The following PCDH9 variants were observed in gnomAD, a reference collection of about 807,000 sequenced individuals.
PCDH9 encodes protocadherin 9.
PCDH9 carries 24 observed loss-of-function variants against 70.6 expected under a neutral mutation model. The ratio of observed to expected loss-of-function variants is 0.34; its 90% CI spans 0.25 to 0.48. The LOEUF is 0.48. Ranked by LOEUF, PCDH9 falls within the 20% of genes least tolerant of loss-of-function variation. The pLI is 0.99. For missense variants in PCDH9, 1,281 were observed against 1,503.6 expected (o/e 0.85, Z 2.45); for synonymous variants, 562 against 558.5 (o/e 1.01, Z -0.09).
chr13:66,491,420 T>TGA (rs1162129075), intron 4 of PCDH9, among the ~76,000 whole-genome samples: 27 of 151,234 alleles, frequency 1.8e-4, no homozygotes, highest in Non-Finnish European at 7.4e-5. Context: ...TGTGTGTGTA[T>TGA]GAGAGAGAGA....
At chr13:66,400,248 G>A (rs1255771677) in intron 4 of PCDH9, among the ~76,000 whole-genome samples, 1 of 152,120 alleles carries the variant, frequency 6.6e-6, no homozygotes, top group African/African-American at 2.4e-5. Flanking sequence ...AAATATACCA[G>A]TCTGTTAAGA....
chr13:67,092,388 GT>G (rs966900552), intron 2 of PCDH9, among the ~76,000 whole-genome samples: 4 of 123,046 alleles, frequency 3.3e-5, no homozygotes, highest in South Asian at 2.8e-4. Flanking sequence ...TCAATAACAT[GT>G]TTTTTTTATT....
At chr13:66,460,898 G>A (rs529507200) in intron 4 of PCDH9, among the ~76,000 whole-genome samples, 97 of 151,976 alleles carry the variant, frequency 6.4e-4, no homozygotes, top group Middle Eastern at 3.4e-3. Context: ...CTACACGCTG[G>A]TTGCTTCTTC....
At chr13:67,211,061 A>G (rs2089458243) in intron 2 of PCDH9, 1 of 151,996 alleles carries the variant, frequency 6.6e-6, no homozygotes, top group African/African-American at 2.4e-5. Context: ...TTGGTTCTAA[A>G]TTAGTTTACC....
chr13:67,143,742 A>G (rs1170274441), intron 2 of PCDH9, among the ~76,000 whole-genome samples: 2 of 152,206 alleles, frequency 1.3e-5, no homozygotes, highest in African/African-American at 4.8e-5. Context: ...CCAGACCCTG[A>G]GGAAGAAAAG....
chr13:66,849,415 TATATATGAAAATA>T (rs893977608), intron 3 of PCDH9, among the ~76,000 whole-genome samples: 7 of 150,640 alleles, frequency 4.6e-5, no homozygotes, highest in Non-Finnish European at 1.5e-5. Context: ...TGATACCATA[TATATATGAAAATA>T]TATGACTATA....
chr13:66,867,112 C>T (rs1013013314), intron 3 of PCDH9, among the ~76,000 whole-genome samples: 2 of 151,340 alleles, frequency 1.3e-5, no homozygotes, highest in Non-Finnish European at 2.9e-5. Flanking sequence ...TGAACTCACA[C>T]AGAAAGAGAA....
At chr13:66,465,043 T>C (rs992325135) in intron 4 of PCDH9, among the ~76,000 whole-genome samples, 7 of 151,926 alleles carry the variant, frequency 4.6e-5, no homozygotes, top group African/African-American at 1.2e-4. Flanking sequence ...CATATTAGCC[T>C]TTCTTGAACA....
rs143802026 is a variant in PCDH9 at position 66,661,758 on chromosome 13, G to A, written c.3139-30347C>T. Among the ~76,000 whole-genome samples the A allele has an allele frequency of 5.9e-5, 9 of 152,294 alleles. No homozygotes were observed. In the East Asian group the frequency reaches 1.7e-3, roughly 29 times the overall value. On this transcript the variant is annotated intron_variant, in intron 3 of 4. Transcript: ENST00000377865. ...TAAATGTGGAGCAATGGAACTATAT[G>A]ACTAACTTTTAAATATGCTACTGAT...
chr13:67,226,592 T>C lies in PCDH9; in HGVS notation c.1849A>G (p.Asn617Asp). Residue 617 changes from asparagine to aspartate, a missense_variant, in exon 2 of 5, where the codon AAT becomes GAT. Asn to Asp is a conservative substitution (Grantham distance 23). This residue lies in a region of PCDH9 where 798 missense variants were observed against 1,003.1 expected (regional missense o/e 0.80). Coordinates refer to ENST00000377865, the MANE Select transcript of PCDH9 (RefSeq NM_203487.3). The surrounding 1 kb of genome is among the most constrained non-coding windows in gnomAD (Gnocchi z 5.0). ...VTLSILNDND[N>D]FVLDPYSGVI... ...CCAGAATAGGGATCCAACACAAAATTATCATTGTCATTTAGAATGGAAAGA... is the reference window on the plus strand; with the variant it reads ...CCAGAATAGGGATCCAACACAAAATCATCATTGTCATTTAGAATGGAAAGA... 2 of 1,614,006 alleles carry C rather than the reference T, an allele frequency of 1.2e-6. No individual in the cohort carries two copies. The highest frequency in any genetic ancestry group is 1.6e-4 in the Middle Eastern group (1 of 6,062).
At chr13:66,986,260 T>C (rs538899000) in intron 2 of PCDH9, among the ~76,000 whole-genome samples, 1 of 152,010 alleles carries the variant, frequency 6.6e-6, no homozygotes, top group Non-Finnish European at 1.5e-5. Context: ...ACTGGCTTCA[T>C]GATTCAATTA....
chr13:67,113,121 T>C (rs2086689766), intron 2 of PCDH9, among the ~76,000 whole-genome samples: 1 of 152,212 alleles, frequency 6.6e-6, no homozygotes, highest in Non-Finnish European at 1.5e-5. Context: ...ATTTCCTACT[T>C]TTAGACTATA....
intron 4 of PCDH9, among the ~76,000 whole-genome samples, chr13:66,591,417 A>G (rs1358030046): frequency 6.6e-6 from 1 of 151,520 alleles, no homozygotes; most frequent in African/African-American, 2.4e-5. Context: ...AGTATGGAAA[A>G]TAAAGCCAAT....
chr13:66,491,843 C>CTATTAGTTCATTAGT (rs1445999746), intron 4 of PCDH9, among the ~76,000 whole-genome samples: 1 of 152,074 alleles, frequency 6.6e-6, no homozygotes, highest in Admixed American at 6.6e-5. Context: ...TTCTATTAGT[C>CTATTAGTTCATTAGT]ACACCTAGTG....
chr13:67,058,132 C>T (rs759684197), intron 2 of PCDH9, among the ~76,000 whole-genome samples: 1 of 152,026 alleles, frequency 6.6e-6, no homozygotes, highest in Non-Finnish European at 1.5e-5. Flanking sequence ...AGAATGTTTG[C>T]TATGTTATTG....
At chr13:66,399,647 A>G (rs1471929706) in intron 4 of PCDH9, among the ~76,000 whole-genome samples, 1 of 152,102 alleles carries the variant, frequency 6.6e-6, no homozygotes, top group Non-Finnish European at 1.5e-5. Context: ...TCAAACAGTC[A>G]AAACAGAATT....
intron 2 of PCDH9, among the ~76,000 whole-genome samples, chr13:66,976,607 G>T (rs139250952): frequency 6.7e-4 from 102 of 152,058 alleles, no homozygotes; most frequent in Non-Finnish European, 1.2e-3. Context: ...ACCCAACAAG[G>T]CTCAAGACCA....
At chr13:66,552,402 T>C (rs897544518) in intron 4 of PCDH9, among the ~76,000 whole-genome samples, 3 of 152,158 alleles carry the variant, frequency 2.0e-5, no homozygotes, top group African/African-American at 7.2e-5. Context: ...CTCCGTTTTA[T>C]ATTGCCTTAG....
At chr13:66,841,550 C>T (rs1047086582) in intron 3 of PCDH9, among the ~76,000 whole-genome samples, 2 of 152,046 alleles carry the variant, frequency 1.3e-5, no homozygotes, top group Non-Finnish European at 2.9e-5. Context: ...CAACATATTT[C>T]ATAACAATAA....
Sources: allele counts gnomAD v4.1 joint callset (sites outside exome capture counted in the v4.1 genomes callset), GRCh38; gene constraint gnomAD v4.1.1; regional missense constraint gnomAD v4.1.1; non-coding constraint Gnocchi (gnomAD v3.1); transcripts MANE v1.5; gene names NCBI Gene and HGNC (gene_info 2026-07-23, HGNC 2026-07-21).